The following HOMER2 variants were observed in gnomAD, a reference collection of about 807,000 sequenced individuals.
HOMER2 encodes the protein homer protein homolog 2.
In HOMER2, 27 loss-of-function variants were observed where a neutral mutation model predicts 47.0. The observed-to-expected ratio is 0.57, with a 90% CI of 0.42 to 0.79. The LOEUF (loss-of-function observed/expected upper bound fraction) is 0.79, where lower values mean the gene tolerates loss of function less well. Among genes scored for constraint, HOMER2 ranks in the 30% least tolerant of loss-of-function variants. HOMER2 has a pLI of 0.00. For missense variants in HOMER2, 443 were observed against 435.0 expected, an observed-to-expected ratio of 1.02 and a Z score of -0.16; for synonymous variants, 161 against 163.8, an observed-to-expected ratio of 0.98 and a Z score of 0.13.
intron 3 of HOMER2, among the ~76,000 whole-genome samples, chr15:82,868,543 T>TATATATATATATATATATATATATGTA (rs1567023464): frequency 2.7e-5 from 1 of 36,832 alleles, no homozygotes; most frequent in African/African-American, 9.0e-5. Context: ...ATATATATAT[T>TATATATATATATATATATATATATGTA]TTTTTTTTTT....
At chr15:82,871,659 A>G (rs1407033663) in intron 3 of HOMER2, among the ~76,000 whole-genome samples, 1 of 152,094 alleles carries the variant, frequency 6.6e-6, no homozygotes, top group Admixed American at 6.5e-5. Flanking sequence ...ACCGAGCAGA[A>G]CTCCAGCACT....
intron 2 of HOMER2, among the ~76,000 whole-genome samples, chr15:82,888,723 A>G (rs1457503714): frequency 9.8e-5 from 8 of 81,596 alleles, no homozygotes; most frequent in Non-Finnish European, 1.4e-4. Context: ...TGCGCTTCCC[A>G]GGTGAGGCAA....
intron 1 of HOMER2, among the ~76,000 whole-genome samples, chr15:82,962,330 A>C (rs1458760990): frequency 7.0e-6 from 1 of 142,670 alleles, no homozygotes; most frequent in East Asian, 2.1e-4. Flanking sequence ...GCGCCACTGC[A>C]CTCCAGCCTG....
rs1451100240 is a variant in HOMER2 at position 82,866,656 on chromosome 15, C to T, written c.295-2397G>A. On this transcript the variant is annotated intron_variant, in intron 3 of 8. Transcript: ENST00000450735. The stretch of plus-strand genomic sequence containing the variant: ...AACCTGGTGGGAGTAACTGAATCAT[C>T]GGGGCGGGTCTCTCCTGTGCTGTTC... Among the ~76,000 whole-genome samples the T allele has an allele frequency of 2.5e-4, 38 of 152,164 alleles. 1 individual carries two copies. Among genetic ancestry groups the T allele is most frequent in the South Asian group, 4.1e-4 (2 of 4,820 alleles).
intron 6 of HOMER2, among the ~76,000 whole-genome samples, chr15:82,853,078 C>T (rs927179689): frequency 3.9e-5 from 6 of 152,200 alleles, no homozygotes; most frequent in South Asian, 2.1e-4. Flanking sequence ...TGAAGGGCAC[C>T]GAGGACACTT....
Position 82,849,870 on chromosome 15 carries a change from T to C in HOMER2, c.877A>G (p.Lys293Glu). The C allele has an allele frequency of 6.2e-7, 1 of 1,613,914 alleles. No homozygotes were observed. The highest frequency in any genetic ancestry group is 8.5e-7 in the Non-Finnish European group (1 of 1,179,818). Residue 293 changes from lysine to glutamate, a missense_variant, in exon 9 of 9, where the codon AAA becomes GAA. By Grantham distance (56) the Lys-to-Glu change is moderately conservative. Coordinates refer to ENST00000450735, the MANE Select transcript of HOMER2 (RefSeq NM_004839.4). ...ATGTCTGTCTTTAAGGAACGCACTT[T>C]GTCTTCCAGGTTTTGATTGTCTCTC... ...AERDNQNLED[K>E]VRSLKTDIEE... is the part of the protein sequence containing the mutation.
chr15:82,942,038 C>A (rs1338705270), intron 1 of HOMER2, among the ~76,000 whole-genome samples: 1 of 152,188 alleles, frequency 6.6e-6, no homozygotes, highest in Non-Finnish European at 1.5e-5. Context: ...ACACTCTCTG[C>A]CTAAATGCCC....
At position 82,907,473 on chromosome 15, in the gene HOMER2, A is replaced by C. The variant is rs1419751107; in HGVS notation, c.6-14632T>G. The stretch of plus-strand genomic sequence containing the variant: ...AGAAAGAAAGAAGGAAGGAAGGAGA[A>C]AGGAAGGAAAGAAAAAGGAAAGAAA... On this transcript the variant is annotated intron_variant, in intron 1 of 8. Coordinates refer to ENST00000450735, the MANE Select transcript of HOMER2 (RefSeq NM_004839.4). Among the ~76,000 whole-genome samples, 3 of 150,880 alleles carry C rather than the reference A, an allele frequency of 2.0e-5. No homozygotes were observed. The East Asian group carries it at 5.9e-4, about 29-fold the overall frequency.
chr15:82,897,628 C>T (rs1278908805), intron 1 of HOMER2, among the ~76,000 whole-genome samples: 1 of 152,144 alleles, frequency 6.6e-6, no homozygotes, highest in Non-Finnish European at 1.5e-5. Context: ...ACATCTGTCT[C>T]CTATCAGACT....
At chr15:82,902,081 A>C (rs1225083868) in intron 1 of HOMER2, among the ~76,000 whole-genome samples, 1 of 152,192 alleles carries the variant, frequency 6.6e-6, no homozygotes, top group Non-Finnish European at 1.5e-5. Flanking sequence ...GTTAACATTT[A>C]TACTATAAAA....
chr15:82,926,818 C>T (rs1308478512), intron 1 of HOMER2, among the ~76,000 whole-genome samples: 2 of 152,176 alleles, frequency 1.3e-5, no homozygotes, highest in Non-Finnish European at 2.9e-5. Context: ...GGGTGAGTTC[C>T]ACCCTTTTTT....
upstream of HOMER2, among the ~76,000 whole-genome samples, chr15:82,957,685 C>T (rs1384655839): frequency 6.6e-6 from 1 of 152,150 alleles, no homozygotes; most frequent in African/African-American, 2.4e-5. Context: ...CTAGCCCCTG[C>T]TGTTTCCAAT....
chr15:82,863,597 C>T (rs932451377), intron 4 of HOMER2, among the ~76,000 whole-genome samples: 2 of 151,868 alleles, frequency 1.3e-5, no homozygotes, highest in Non-Finnish European at 2.9e-5. Flanking sequence ...GGTCGACTTC[C>T]CCCACCACCA....
At chr15:82,875,625 ACAGT>A (rs1432407736) in intron 2 of HOMER2, among the ~76,000 whole-genome samples, 6 of 152,332 alleles carry the variant, frequency 3.9e-5, no homozygotes, top group Admixed American at 1.3e-4. Context: ...CAGAGACTTA[ACAGT>A]CAGTCTAAAA....
At chr15:82,844,752 C>A (rs894864701), downstream of HOMER2, 14 of 152,206 alleles carry the variant, frequency 9.2e-5, no homozygotes, top group Non-Finnish European at 1.9e-4. Flanking sequence ...CCACTCCACT[C>A]TTCTCATTAA....
chr15:82,903,215 G>C (rs1488431328), intron 1 of HOMER2, among the ~76,000 whole-genome samples: 1 of 152,152 alleles, frequency 6.6e-6, no homozygotes, highest in Non-Finnish European at 1.5e-5. Flanking sequence ...AGAGCGGTAG[G>C]GACCGAAGGA....
intron 1 of HOMER2, among the ~76,000 whole-genome samples, chr15:82,928,673 G>T (rs2053917364): frequency 6.6e-6 from 1 of 151,738 alleles, no homozygotes; most frequent in Non-Finnish European, 1.5e-5. Context: ...CAAGAAAAAG[G>T]GCATATAAAT....
intron 1 of HOMER2, among the ~76,000 whole-genome samples, chr15:82,909,171 C>CA (rs1419559728): frequency 2.0e-5 from 3 of 152,102 alleles, no homozygotes; most frequent in Non-Finnish European, 4.4e-5. Flanking sequence ...TTGATCATTC[C>CA]AAAAAACCAT....
chr15:82,852,651 C>A (rs922005335), intron 6 of HOMER2: 9 of 170,722 alleles, frequency 5.3e-5, no homozygotes, highest in Non-Finnish European at 1.1e-4. Context: ...ACTGTTACAC[C>A]ACTGTAATCA....
Sources: gnomAD v4.1 joint callset for allele counts (sites outside exome capture counted in the v4.1 genomes callset) on GRCh38, gnomAD v4.1.1 for gene constraint, MANE v1.5 for transcripts, NCBI Gene and HGNC (gene_info 2026-07-23, HGNC 2026-07-21) for gene names.